IDH1: variants seen among roughly 807,000 people sequenced by gnomAD.
The protein encoded by IDH1 is isocitrate dehydrogenase [NADP] cytoplasmic.
IDH1 carries 33 observed loss-of-function variants against 46.1 expected under a neutral mutation model. The ratio of observed to expected loss-of-function variants is 0.72; its 90% CI spans 0.54 to 0.96. IDH1 has a LOEUF of 0.96. Among genes scored for constraint, IDH1 ranks in the 40% least tolerant of loss-of-function variants. The pLI is 0.00. For missense variants in IDH1, 421 were observed against 515.7 expected, an observed-to-expected ratio of 0.82 and a Z score of 1.78; for synonymous variants, 144 against 172.8, an observed-to-expected ratio of 0.83 and a Z score of 1.31.
At chr2:208,245,298 T>C in intron 5 of IDH1, 21 bp downstream of exon 5, 2 of 1,195,862 alleles carry the variant, frequency 1.7e-6, no homozygotes, top group South Asian at 1.3e-5. Flanking sequence ...AAAAAGAAGC[T>C]TATGCTACAG....
chr2:208,252,974 A>G (rs1397338956), intron 2 of IDH1, among the ~76,000 whole-genome samples: 1 of 152,244 alleles, frequency 6.6e-6, no homozygotes. Flanking sequence ...CTGAAAGCAT[A>G]TGATTCAGTT....
chr2:208,242,702 A>G (rs139986103), intron 6 of IDH1, among the ~76,000 whole-genome samples: 2,566 of 152,280 alleles, frequency 0.017, 26 homozygotes, highest in Non-Finnish European at 0.023. Context: ...TGTTGTTATA[A>G]ACTTAGACTT....
intron 6 of IDH1, among the ~76,000 whole-genome samples, chr2:208,242,926 G>A (rs1172518205): frequency 6.6e-6 from 1 of 151,946 alleles, no homozygotes; most frequent in East Asian, 1.9e-4. Flanking sequence ...CACCACGCCC[G>A]GCTAATTTTT....
rs762820641 is a variant in IDH1, at chr2:208,239,955, C to A, written c.899G>T (p.Gly300Val). ...GGCAGCCTCTGCTTCTACTGTCTTGCCATCTGGACAAACCAGCACGCTGGT... is the reference window on the plus strand; with the variant it reads ...GGCAGCCTCTGCTTCTACTGTCTTGACATCTGGACAAACCAGCACGCTGGT... ...MMTSVLVCPD[G>V]KTVEAEAAHG... is the part of the protein sequence containing the mutation. The change falls in exon 8 of 10, where the codon GGC becomes GTC. Residue 300 changes from glycine to valine, a missense_variant. Coordinates refer to ENST00000345146, the MANE Select transcript of IDH1 (RefSeq NM_005896.4). The A allele has an allele frequency of 6.2e-7, 1 of 1,614,170 alleles. No individual in the cohort carries two copies. Among genetic ancestry groups the A allele is most frequent in the Non-Finnish European group, 8.5e-7 (1 of 1,180,012 alleles).
chr2:208,250,154 T>C (rs1688096148), intron 3 of IDH1, among the ~76,000 whole-genome samples: 1 of 152,132 alleles, frequency 6.6e-6, no homozygotes, highest in Non-Finnish European at 1.5e-5. Context: ...TTTTTCCTCC[T>C]AGTCATAGTG....
chr2:208,237,399 A>AG (rs1479012932), intron 9 of IDH1, among the ~76,000 whole-genome samples: 12 of 150,198 alleles, frequency 8.0e-5, no homozygotes, highest in Non-Finnish European at 1.6e-4. Context: ...AGAGACAGCC[A>AG]TACATACTCA....
chr2:208,251,723 C>T (rs1461868736), intron 2 of IDH1, among the ~76,000 whole-genome samples, 156 bp from the exon 3 acceptor site: 3 of 152,104 alleles, frequency 2.0e-5, no homozygotes, highest in African/African-American at 7.2e-5. Flanking sequence ...CTAGTAACAG[C>T]AATTCTATTT....
chr2:208,248,154 G>A (rs1189753091), intron 4 of IDH1: 1 of 580,078 alleles, frequency 1.7e-6, no homozygotes, highest in East Asian at 2.9e-5. Context: ...GAAAAAAAAT[G>A]TGTTGAGATG....
chr2:208,254,418 C>T (rs946770222), intron 1 of IDH1: 1 of 152,398 alleles, frequency 6.6e-6, no homozygotes, highest in African/African-American at 2.4e-5. Flanking sequence ...GCCTAGCGAC[C>T]CCTCTGAAGG....
At chr2:208,244,963 AG>A (rs1165135378) in intron 5 of IDH1, among the ~76,000 whole-genome samples, 1 of 152,270 alleles carries the variant, frequency 6.6e-6, no homozygotes, top group Admixed American at 6.5e-5. Flanking sequence ...ACCAGAGCAA[AG>A]GGCAGGATTA....
intron 1 of IDH1, among the ~76,000 whole-genome samples, 156 bp downstream of exon 1, chr2:208,254,783 A>T (rs949831612): frequency 6.6e-6 from 1 of 151,466 alleles, no homozygotes; most frequent in African/African-American, 2.4e-5. Context: ...CCCATTCTCA[A>T]TACCTGGATT....
intron 6 of IDH1, among the ~76,000 whole-genome samples, chr2:208,243,065 A>C (rs73070950): frequency 0.068 from 10,368 of 152,230 alleles, 449 homozygotes; most frequent in African/African-American, 0.11. Context: ...TGCCTGGCCA[A>C]CAGAATTTTA....
At chr2:208,243,207 A>C (rs16840793) in intron 6 of IDH1, among the ~76,000 whole-genome samples, 4,405 of 152,318 alleles carry the variant, frequency 0.029, 62 homozygotes, top group African/African-American at 0.038. Flanking sequence ...AAAACAATTC[A>C]TGTGGGGACC....
chr2:208,237,918 G>A (rs1309333379), intron 9 of IDH1, among the ~76,000 whole-genome samples: 3 of 150,920 alleles, frequency 2.0e-5, no homozygotes, highest in Non-Finnish European at 2.9e-5. Context: ...GCGAGACTCT[G>A]TCTCAATAAA....
intron 2 of IDH1, among the ~76,000 whole-genome samples, chr2:208,252,573 C>T (rs59684347): frequency 0.059 from 9,044 of 152,270 alleles, 336 homozygotes; most frequent in African/African-American, 0.08. Flanking sequence ...CTAATCGAAA[C>T]TCTTTTTTAA....
At chr2:208,241,481 C>T (rs1226447106) in intron 7 of IDH1, among the ~76,000 whole-genome samples, 1 of 150,862 alleles carries the variant, frequency 6.6e-6, no homozygotes, top group Admixed American at 6.6e-5. Flanking sequence ...GATCCACTGC[C>T]TTGGCCTCTC....
At position 208,245,427 on chromosome 2, in the gene IDH1, G is replaced by A. The variant is rs2124857715; in HGVS notation, c.415-3C>T. ...ACAACAAAATCAGTTGCTCTGTACTGTGTAGAGGGGAAAAAGGTATAAAGA... is the reference window on the plus strand; with the variant it reads ...ACAACAAAATCAGTTGCTCTGTACTATGTAGAGGGGAAAAAGGTATAAAGA... On this transcript the variant is annotated splice_polypyrimidine_tract_variant and splice_region_variant and intron_variant, in intron 4 of 9. Coordinates refer to ENST00000345146, the MANE Select transcript of IDH1 (RefSeq NM_005896.4). 3 of 1,538,018 alleles carry A rather than the reference G, an allele frequency of 2.0e-6. No homozygotes were observed. Among genetic ancestry groups the A allele is most frequent in the Non-Finnish European group, 2.7e-6 (3 of 1,111,704 alleles).
In IDH1 at chr2:208,248,603, A is replaced by T. The variant is rs2124863798; in HGVS notation, c.180T>A (p.Ala60=). ...CATTATGCTTCTTTATAGCTTCTGC[A>T]GCATCCTTGGTGACTTGGTCGTTGG... ...DATNDQVTKD[A]AEAIKKHNVG... Residue 60 remains alanine (A), a synonymous_variant, in exon 4 of 10, where the codon GCT becomes GCA. Transcript: ENST00000345146. 6.2e-7 allele frequency: 1 copy of T among 1,614,184 alleles called. No homozygotes were observed. The highest frequency in any genetic ancestry group is 8.5e-7 in the Non-Finnish European group (1 of 1,180,006).
chr2:208,245,179 C>T (rs142508986), intron 5 of IDH1, 140 bp downstream of exon 5: 6,389 of 625,720 alleles, frequency 0.01, 60 homozygotes, highest in Middle Eastern at 0.039. Context: ...TTCTTTATGT[C>T]AAGTTTCGGG....
Sources: allele counts gnomAD v4.1 joint callset (sites outside exome capture counted in the v4.1 genomes callset), GRCh38; gene constraint gnomAD v4.1.1; transcripts MANE v1.5; gene names NCBI Gene and HGNC (gene_info 2026-07-23, HGNC 2026-07-21).